HSD3B1: variants seen among roughly 807,000 people sequenced by gnomAD.
The protein encoded by HSD3B1 is hydroxy-delta-5-steroid dehydrogenase, 3 beta- and steroid delta-isomerase 1, also known as 3 beta-hydroxysteroid dehydrogenase/Delta 5-->4-isomerase type 1.
Under a neutral mutation model 10.4 loss-of-function variants are expected in HSD3B1, and 11 were observed. The observed-to-expected ratio is 1.05, with a 90% CI of 0.66 to 1.75. The LOEUF (loss-of-function observed/expected upper bound fraction) is 1.75, where lower values mean the gene tolerates loss of function less well. Ranked by LOEUF, HSD3B1 falls within the 40% of genes most tolerant of loss-of-function variation. The pLI is 0.00. For missense variants in HSD3B1, 490 were observed against 454.5 expected, an observed-to-expected ratio of 1.08 and a Z score of -0.71; for synonymous variants, 217 against 185.4, an observed-to-expected ratio of 1.17 and a Z score of -1.39.
intron 2 of HSD3B1, 52 bp downstream of exon 2, chr1:119,507,673 A>G: frequency 1.3e-6 from 2 of 1,579,696 alleles, no homozygotes; most frequent in Non-Finnish European, 1.7e-6. Flanking sequence ...CACTGCATGT[A>G]TGTGGGGGGA....
chr1:119,513,768 C>T (rs112041060), intron 3 of HSD3B1, 66 bp from the exon 4 acceptor site: 3 of 1,470,648 alleles, frequency 2.0e-6, no homozygotes, highest in South Asian at 2.5e-5. Context: ...GCACATAGAT[C>T]TGTGTTCGTG....
rs1475988003 is a variant in HSD3B1, at chr1:119,514,683, G to A, written c.*38G>A. ...AGAGATGTGCATGTGGGTATTGTTA[G>A]GAGATGTCATCAAGCTCCACCCTCC... On this transcript the variant is annotated 3_prime_UTR_variant, in exon 4 of 4. Coordinates refer to ENST00000369413, the MANE Select transcript of HSD3B1 (RefSeq NM_000862.3). The A allele has an allele frequency of 1.2e-6, 2 of 1,603,796 alleles. No individual in the cohort carries two copies. The highest frequency in any genetic ancestry group is 1.3e-5 in the African/African-American group (1 of 74,722).
rs6200 is a variant in HSD3B1, at chr1:119,511,585, C to T, written c.228C>T (p.Val76=). ...EPFLKRACQD[V]SVIIHTACII... ...TCCTGAAGAGAGCCTGCCAGGACGT[C>T]TCGGTCATCATCCACACCGCCTGTA... is the stretch of plus-strand genomic sequence containing the variant. Residue 76 remains valine, a synonymous_variant, in exon 3 of 4, where the codon GTC becomes GTT. Transcript: ENST00000369413. 38,172 of 1,612,922 alleles carry T rather than the reference C, an allele frequency of 0.024. 4,130 individuals carry two copies. The African/African-American group carries it at 0.31, about 13-fold the overall frequency.
chr1:119,509,661 A>T (rs587740474), intron 2 of HSD3B1, among the ~76,000 whole-genome samples: 1 of 152,268 alleles, frequency 6.6e-6, no homozygotes, highest in South Asian at 2.1e-4. Context: ...CCACTCCAGG[A>T]CCTTCTTGGA....
In HSD3B1 at chr1:119,511,678, C is replaced by T. The variant is rs766449896; in HGVS notation, c.310+11C>T. 1.2e-6 allele frequency: 2 copies of T among 1,612,620 alleles called. No homozygotes were observed. The highest frequency in any genetic ancestry group is 1.7e-6 in the Non-Finnish European group (2 of 1,178,784). ...ATGTCAATGTGAAAGGTATGGTAGG[C>T]TGGGGAGGAGATGCAGCAAGGTGGG... On this transcript the variant is annotated intron_variant, in intron 3 of 3. Transcript: ENST00000369413.
Position 119,514,745 on chromosome 1 carries a change from G to T in HSD3B1, c.*100G>T. ...AGAAAGTGACAAGGGCACAAGCTCA[G>T]GTCCTGCTGCCTCCCTTTCATACAA... On this transcript the variant is annotated 3_prime_UTR_variant, in exon 4 of 4. Coordinates refer to ENST00000369413, the MANE Select transcript of HSD3B1 (RefSeq NM_000862.3). 7.5e-7 allele frequency: 1 copy of T among 1,326,846 alleles called. No individual in the cohort carries two copies. Among genetic ancestry groups the T allele is most frequent in the Non-Finnish European group, 1.1e-6 (1 of 942,722 alleles). 82.2% of individuals were successfully genotyped at this position (1,326,846 alleles called of 1,614,324 possible).
intron 2 of HSD3B1, among the ~76,000 whole-genome samples, chr1:119,509,139 C>T (rs756709160): frequency 5.3e-5 from 8 of 151,982 alleles, no homozygotes; most frequent in East Asian, 1.9e-4. Flanking sequence ...CCTATGAGAT[C>T]GGTAATATTA....
At chr1:119,511,798 C>T (rs1376420513) in intron 3 of HSD3B1, 131 bp downstream of exon 3, 21 of 827,946 alleles carry the variant, frequency 2.5e-5, no homozygotes, top group Admixed American at 8.0e-5. Context: ...CTGATCACTA[C>T]GAATAGGAGA....
intron 2 of HSD3B1, among the ~76,000 whole-genome samples, chr1:119,508,362 CT>C (rs1344867398): frequency 0.016 from 2,265 of 144,996 alleles, 68 homozygotes; most frequent in African/African-American, 0.057. Flanking sequence ...GCATATATGG[CT>C]TTTTTTTAAA....
chr1:119,512,565 C>T (rs1269611077), intron 3 of HSD3B1, among the ~76,000 whole-genome samples: 1 of 144,978 alleles, frequency 6.9e-6, no homozygotes, highest in Non-Finnish European at 1.5e-5. Flanking sequence ...GCTTTTGAGT[C>T]TCCAGCACCA....
chr1:119,514,458 G>C lies in HSD3B1; in HGVS notation c.935G>C (p.Arg312Pro), dbSNP rs747501093. Residue 312 changes from arginine (R) to proline (P), a missense_variant, in exon 4 of 4, where the codon CGA becomes CCA. Physicochemically the swap from Arg to Pro is moderately radical, Grantham distance 103 (BLOSUM62 -2). Coordinates refer to ENST00000369413, the MANE Select transcript of HSD3B1 (RefSeq NM_000862.3). ...CTACTCAGGCCAATTTACACCTATC[G>C]ACCGCCCTTCAACCGCCACATAGTC... ...SFLLRPIYTYRPPFNRHIVTL... is the reference protein window; with the variant it reads ...SFLLRPIYTYPPPFNRHIVTL... The C allele has an allele frequency of 2.5e-6, 4 of 1,613,826 alleles. No individual in the cohort carries two copies. The highest frequency in any genetic ancestry group is 1.6e-4 in the Middle Eastern group (1 of 6,084).
At position 119,513,841 on chromosome 1, in the gene HSD3B1, G is replaced by C. The variant is rs753075622; in HGVS notation, c.318G>C (p.Gln106His). Residue 106 changes from glutamine to histidine, a missense_variant, in exon 4 of 4, where the codon CAG becomes CAC. Transcript: ENST00000369413. The part of the protein sequence containing the change: ...SIMNVNVKGT[Q>H]LLLEACVQAS... ...TATGCTCTTCATGGACAGGTACCCA[G>C]CTCCTGTTAGAGGCCTGTGTCCAAG... 1 of 1,613,578 alleles carries C rather than the reference G, an allele frequency of 6.2e-7. No homozygotes were observed. Among genetic ancestry groups the C allele is most frequent in the African/African-American group, 1.3e-5 (1 of 74,888 alleles).
chr1:119,512,661 C>A (rs1294756595), intron 3 of HSD3B1, among the ~76,000 whole-genome samples: 2 of 152,052 alleles, frequency 1.3e-5, no homozygotes, highest in African/African-American at 4.8e-5. Flanking sequence ...CTAAGAGTAA[C>A]CAGTTTTAAT....
chr1:119,507,460 T>C lies in HSD3B1; in HGVS notation c.-17T>C, dbSNP rs1278691233. The C allele has an allele frequency of 1.9e-6, 3 of 1,613,310 alleles. No homozygotes were observed. Among genetic ancestry groups the C allele is most frequent in the Non-Finnish European group, 2.5e-6 (3 of 1,179,834 alleles). ...CTTCTGTTTCCTGGTGAGTGATTCC[T>C]GCTACTTTGGATGGCCATGACGGGC... On this transcript the variant is annotated 5_prime_UTR_variant, in exon 2 of 4. Coordinates refer to ENST00000369413, the MANE Select transcript of HSD3B1 (RefSeq NM_000862.3).
Position 119,511,669 on chromosome 1 carries a change from T to C in HSD3B1, c.310+2T>C, listed in dbSNP as rs1325298198. ...CTATCATGAATGTCAATGTGAAAGG[T>C]ATGGTAGGCTGGGGAGGAGATGCAG... On this transcript the variant is annotated splice_donor_variant, in intron 3 of 3. Transcript: ENST00000369413. LOFTEE classifies it high-confidence loss of function. The C allele has an allele frequency of 1.2e-6, 2 of 1,613,242 alleles. No individual in the cohort carries two copies. The highest frequency in any genetic ancestry group is 1.7e-6 in the Non-Finnish European group (2 of 1,179,410).
chr1:119,507,264 T>C lies in HSD3B1; in HGVS notation c.-86+2T>C, dbSNP rs1340552886. 4 of 550,366 alleles carry C rather than the reference T, an allele frequency of 7.3e-6. No homozygotes were observed. The highest frequency in any genetic ancestry group is 1.3e-5 in the Non-Finnish European group (4 of 306,140). 34.1% of individuals were successfully genotyped at this position (550,366 alleles called of 1,614,324 possible). On this transcript the variant is annotated splice_donor_variant, in intron 1 of 3. Transcript: ENST00000369413. LOFTEE classifies it low-confidence loss of function (5UTR_SPLICE). Reference sequence around the variant, plus strand: ...CAGCTTTTAACAATCTAACTAATGGTTAGAGATTTTTCATTTTCTTTCAGC... The same window carrying C: ...CAGCTTTTAACAATCTAACTAATGGCTAGAGATTTTTCATTTTCTTTCAGC...
At chr1:119,509,714 G>T (rs1653884017) in intron 2 of HSD3B1, among the ~76,000 whole-genome samples, 1 of 152,146 alleles carries the variant, frequency 6.6e-6, no homozygotes, top group South Asian at 2.1e-4. Flanking sequence ...ACAAAACATG[G>T]CAGAGGCATC....
rs747905344 is a variant in HSD3B1 at position 119,507,411 on chromosome 1, A to G, written c.-66A>G. 97 of 1,547,912 alleles carry G rather than the reference A, an allele frequency of 6.3e-5. No individual in the cohort carries two copies. Among genetic ancestry groups the G allele is most frequent in the Non-Finnish European group, 8.6e-5 (96 of 1,121,982 alleles). ...TTTTAGCCCTCTCCAGGGTCACCCT[A>G]GAATCAGATCTGCTCCCCAGCATCT... is the stretch of plus-strand genomic sequence containing the variant. On this transcript the variant is annotated 5_prime_UTR_variant, in exon 2 of 4. The change abolishes the stop of an existing upstream ORF in the 5' untranslated region. Transcript: ENST00000369413.
rs748374275 is a variant in HSD3B1 at position 119,514,145 on chromosome 1, A to C, written c.622A>C (p.Asn208His). ...TGCTAGTATAAACGAGGCCCTGAACAACAATGGGATCCTGTCAAGTGTTGG... is the reference window on the plus strand; with the variant it reads ...TGCTAGTATAAACGAGGCCCTGAACCACAATGGGATCCTGTCAAGTGTTGG... ...LSASINEALN[N>H]NGILSSVGKF... is the part of the protein sequence containing the mutation. Residue 208 changes from asparagine (N) to histidine (H), a missense_variant, in exon 4 of 4, where the codon AAC becomes CAC. By Grantham distance (68) the Asn-to-His change is moderately conservative. Transcript: ENST00000369413. The C allele has an allele frequency of 6.2e-7, 1 of 1,614,120 alleles. No individual in the cohort carries two copies. The highest frequency in any genetic ancestry group is 1.1e-5 in the South Asian group (1 of 91,076).
Sources: allele counts gnomAD v4.1 joint callset (sites outside exome capture counted in the v4.1 genomes callset), GRCh38; gene constraint gnomAD v4.1.1; transcripts MANE v1.5; gene names NCBI Gene and HGNC (gene_info 2026-07-23, HGNC 2026-07-21).